DOCK9: variants seen among roughly 807,000 people sequenced by gnomAD.
The protein encoded by DOCK9 is dedicator of cytokinesis 9.
A neutral mutation model predicts 263.3 loss-of-function variants in DOCK9; 89 were observed. The observed-to-expected ratio is 0.34, with a 90% confidence interval of 0.28 to 0.40. The LOEUF is 0.40. Ranked by LOEUF, DOCK9 falls within the 10% of genes least tolerant of loss-of-function variation. DOCK9 has a pLI of 1.00. For missense variants in DOCK9, 2,140 were observed against 2,603.4 expected (o/e 0.82, Z 3.87); for synonymous variants, 976 against 973.1 (o/e 1.00, Z -0.06).
rs1040613168 is a variant in DOCK9, at chr13:98,865,542, TCCC to T, written c.3286+1880_3286+1882del. ...TAGTAAGGCAAATTACTCCCATATA[TCCC>T]CCCATCGACTGAGCGAAGCCCGTCT... is the stretch of plus-strand genomic sequence containing the variant. On this transcript the variant is annotated intron_variant, in intron 30 of 52. Transcript: ENST00000682017. Among the ~76,000 whole-genome samples the T allele has an allele frequency of 2.6e-4, 39 of 152,112 alleles. 1 individual carries two copies. Among genetic ancestry groups the T allele is most frequent in the African/African-American group, 9.4e-4 (39 of 41,492 alleles).
intron 30 of DOCK9, among the ~76,000 whole-genome samples, chr13:98,865,099 G>C (rs2093984775): frequency 6.6e-6 from 1 of 152,120 alleles, no homozygotes; most frequent in South Asian, 2.1e-4. Flanking sequence ...CTGTTGCTCA[G>C]GCTGGAGTGC....
At chr13:99,056,798 C>A (rs2040944814) in intron 1 of DOCK9, among the ~76,000 whole-genome samples, 1 of 152,224 alleles carries the variant, frequency 6.6e-6, no homozygotes, top group African/African-American at 2.4e-5. Flanking sequence ...GCAAGGCCCC[C>A]CAGGACAGGC....
intron 1 of DOCK9, among the ~76,000 whole-genome samples, chr13:99,008,206 CTCTCTCTA>C (rs1555447930): frequency 0.01 from 732 of 70,790 alleles, 2 homozygotes; most frequent in South Asian, 0.042. Flanking sequence ...CTCTCTCTCT[CTCTCTCTA>C]TATATATATA....
chr13:99,062,607 G>T (rs1049735170), intron 1 of DOCK9, among the ~76,000 whole-genome samples: 1 of 152,260 alleles, frequency 6.6e-6, no homozygotes, highest in African/African-American at 2.4e-5. Context: ...GTCTGCATTC[G>T]CTCCCGCAAG....
intron 1 of DOCK9, chr13:99,086,199 G>C (rs1351598187): frequency 1.4e-6 from 2 of 1,480,464 alleles, no homozygotes; most frequent in East Asian, 2.9e-5. Context: ...ATCCTCCCCC[G>C]GCCCGCGGTC....
chr13:98,883,686 T>C (rs1166719987), intron 22 of DOCK9, 127 bp downstream of exon 22: 5 of 586,730 alleles, frequency 8.5e-6, no homozygotes, highest in Admixed American at 3.5e-5. Flanking sequence ...GTACTTTCTT[T>C]CTTTAGAAAA....
At chr13:98,937,192 T>C (rs1284967041) in intron 2 of DOCK9, among the ~76,000 whole-genome samples, 1 of 152,190 alleles carries the variant, frequency 6.6e-6, no homozygotes, top group East Asian at 1.9e-4. Context: ...AATAAATCTG[T>C]ACATTTGAAA....
intron 1 of DOCK9, among the ~76,000 whole-genome samples, chr13:99,058,520 C>A (rs1047319672): frequency 6.6e-6 from 1 of 152,118 alleles, no homozygotes; most frequent in Admixed American, 6.5e-5. Context: ...CAGTGAAGAA[C>A]CAGATGAGAC....
intron 1 of DOCK9, among the ~76,000 whole-genome samples, chr13:99,034,381 C>T (rs1887644884): frequency 6.6e-6 from 1 of 152,194 alleles, no homozygotes; most frequent in Admixed American, 6.5e-5. Context: ...CCTTGATATA[C>T]TGTGTTTACT....
intron 1 of DOCK9, among the ~76,000 whole-genome samples, chr13:98,970,761 A>G (rs1359972471): frequency 1.3e-5 from 2 of 152,158 alleles, no homozygotes; most frequent in Non-Finnish European, 2.9e-5. Flanking sequence ...AAGTTGGGGG[A>G]AAACTATAAT....
chr13:99,001,177 A>G (rs1882228316), intron 1 of DOCK9, among the ~76,000 whole-genome samples: 1 of 152,212 alleles, frequency 6.6e-6, no homozygotes, highest in African/African-American at 2.4e-5. Context: ...CAAGTAGTAA[A>G]GGGATAATTA....
rs1212908579 is a variant in DOCK9, at chr13:98,873,972, C to T, written c.2944-5595G>A. 2.0e-5 allele frequency among the ~76,000 whole-genome samples: 3 copies of T among 152,190 alleles called. No individual in the cohort carries two copies. In the East Asian group the frequency reaches 5.8e-4, roughly 29 times the overall value. ...AATATCTAGGTGGCCTTTCTTCCCC[C>T]ACTCAAGTCTGACCTTACTGTGCTC... On this transcript the variant is annotated intron_variant, in intron 27 of 52. Coordinates refer to ENST00000682017, the MANE Select transcript of DOCK9 (RefSeq NM_001366683.2).
chr13:99,017,475 A>G (rs1192392828), intron 1 of DOCK9, among the ~76,000 whole-genome samples: 1 of 152,278 alleles, frequency 6.6e-6, no homozygotes, highest in African/African-American at 2.4e-5. Context: ...GACATATTTT[A>G]GACATCCTGC....
At position 98,922,119 on chromosome 13, in the gene DOCK9, C is replaced by A. The variant is rs1393398872; in HGVS notation, c.514G>T (p.Gly172Cys). The change falls in exon 6 of 53, where the codon GGT (glycine) becomes TGT (cysteine). Residue 172 changes from glycine (G) to cysteine (C), a missense_variant. Gly to Cys is a radical substitution (Grantham distance 159). Transcript: ENST00000682017. ...AGCCAGCCATGCTTGGTGATCCCAC[C>A]CTTCTGGGAACCAAGGGAGGCAGCA... ...EDAASLGSQKGGITKHGWLYK... is the reference protein window; with the variant it reads ...EDAASLGSQKCGITKHGWLYK... 6.3e-7 allele frequency: 1 copy of A among 1,599,526 alleles called. No homozygotes were observed.
chr13:99,087,336 T>C (rs1156469863), upstream of DOCK9, among the ~76,000 whole-genome samples: 1 of 152,178 alleles, frequency 6.6e-6, no homozygotes, highest in African/African-American at 2.4e-5. Flanking sequence ...ACCTTGGACG[T>C]GGGCAATACT....
chr13:98,829,531 AG>A lies in DOCK9; in HGVS notation c.4750-10del. On this transcript the variant is annotated splice_polypyrimidine_tract_variant and intron_variant, in intron 42 of 52. Coordinates refer to ENST00000682017, the MANE Select transcript of DOCK9 (RefSeq NM_001366683.2). This position sits in a 1 kb window ranked among gnomAD's most constrained non-coding sequence, Gnocchi z 4.1. ...GAGGAGAAGCTGGTGTGCTAAAACA[AG>A]GGTGGAAGAGGAAAGGACACATGGC... 1 of 1,607,968 alleles carries A rather than the reference AG, an allele frequency of 6.2e-7. No homozygotes were observed. Among genetic ancestry groups the A allele is most frequent in the Non-Finnish European group, 8.5e-7 (1 of 1,176,778 alleles).
At chr13:99,057,182 T>C (rs574002729) in intron 1 of DOCK9, among the ~76,000 whole-genome samples, 1 of 152,304 alleles carries the variant, frequency 6.6e-6, no homozygotes, top group Non-Finnish European at 1.5e-5. Context: ...ACATACTGTG[T>C]CCTTACAACA....
chr13:98,952,906 T>C (rs2057612731), intron 2 of DOCK9, among the ~76,000 whole-genome samples: 1 of 152,218 alleles, frequency 6.6e-6, no homozygotes, highest in East Asian at 1.9e-4. Flanking sequence ...CTGCTGCCAT[T>C]TCCTAACCAA....
Position 98,984,309 on chromosome 13 carries a change from T to C in DOCK9, c.130-28758A>G, listed in dbSNP as rs536167812. On this transcript the variant is annotated intron_variant, in intron 1 of 32. Coordinates refer to the DOCK9 transcript ENST00000427887. The stretch of plus-strand genomic sequence containing the variant: ...ATGAGGTAAACAAACAACCAGTGGA[T>C]GCCAATCAGCAGTGTCAACATGTGC... Among the ~76,000 whole-genome samples the C allele has an allele frequency of 5.3e-5, 8 of 152,342 alleles. No individual in the cohort carries two copies. In the South Asian group the frequency reaches 1.7e-3, roughly 32 times the overall value.
Sources: allele counts gnomAD v4.1 joint callset (sites outside exome capture counted in the v4.1 genomes callset), GRCh38; gene constraint gnomAD v4.1.1; non-coding constraint Gnocchi (gnomAD v3.1); transcripts MANE v1.5; gene names NCBI Gene and HGNC (gene_info 2026-07-23, HGNC 2026-07-21).